Variants in FRS2 observed in about 807,000 individuals in gnomAD.
FRS2 encodes the protein fibroblast growth factor receptor substrate 2.
FRS2 carries 8 observed loss-of-function variants against 43.9 expected under a neutral mutation model. The observed-to-expected ratio is 0.18, with a 90% CI of 0.11 to 0.33. The LOEUF is 0.33. Among genes scored for constraint, FRS2 ranks in the 10% least tolerant of loss-of-function variants. The pLI, the probability that FRS2 is intolerant of heterozygous loss-of-function variation, is 1.00. For missense variants in FRS2, 534 were observed against 627.6 expected, an observed-to-expected ratio of 0.85 and a Z score of 1.59; for synonymous variants, 219 against 220.3, an observed-to-expected ratio of 0.99 and a Z score of 0.05.
intron 1 of FRS2, among the ~76,000 whole-genome samples, chr12:69,493,460 C>T (rs906870859): frequency 1.3e-5 from 2 of 152,238 alleles, no homozygotes; most frequent in African/African-American, 4.8e-5. Context: ...ATGGCTCACG[C>T]CTGTGATCCC....
intron 1 of FRS2, among the ~76,000 whole-genome samples, chr12:69,493,544 AACC>A (rs1872639094): frequency 6.6e-6 from 1 of 152,194 alleles, no homozygotes; most frequent in African/African-American, 2.4e-5. Context: ...AGCATAAAGA[AACC>A]ACGTCTCTAC....
At chr12:69,485,082 AACACACAC>A (rs71094716) in intron 1 of FRS2, among the ~76,000 whole-genome samples, 1,803 of 85,326 alleles carry the variant, frequency 0.021, 31 homozygotes, top group African/African-American at 0.037. Flanking sequence ...CTCATCTTAA[AACACACAC>A]ACACACACAC....
At position 69,574,727 on chromosome 12, in the gene FRS2, G is replaced by A. The variant is rs1401023467; in HGVS notation, c.1299G>A (p.Gln433=). The change falls in exon 9 of 9, where the codon CAG becomes CAA. Residue 433 remains glutamine (Q), a synonymous_variant. Coordinates refer to ENST00000549921, the MANE Select transcript of FRS2 (RefSeq NM_001278356.2). ...GACGCCCAAGTTTAGAACACAGGCA[G>A]CTTAATTACATACAGGTTGACTTGG... ...DIRRPSLEHR[Q]LNYIQVDLEG... 1 of 1,614,162 alleles carries A rather than the reference G, an allele frequency of 6.2e-7. No homozygotes were observed. Among genetic ancestry groups the A allele is most frequent in the South Asian group, 1.1e-5 (1 of 91,078 alleles).
intron 3 of FRS2, among the ~76,000 whole-genome samples, chr12:69,552,321 A>AAG (rs1392419210): frequency 6.6e-6 from 1 of 151,358 alleles, no homozygotes; most frequent in Non-Finnish European, 1.5e-5. Context: ...AAAAAAAAAA[A>AAG]AAAAAATCAT....
chr12:69,575,111 G>A lies in FRS2; in HGVS notation c.*156G>A, dbSNP rs1269130722. 3.4e-6 allele frequency: 2 copies of A among 595,172 alleles called. No homozygotes were observed. Among genetic ancestry groups the A allele is most frequent in the Non-Finnish European group, 6.0e-6 (2 of 335,566 alleles). 36.9% of individuals were successfully genotyped at this position (595,172 alleles called of 1,614,324 possible). A position where few individuals can be genotyped will look rare whatever the true frequency, so the allele number is the denominator to read the frequency against. On this transcript the variant is annotated 3_prime_UTR_variant, in exon 9 of 9. Coordinates refer to ENST00000549921, the MANE Select transcript of FRS2 (RefSeq NM_001278356.2). ...GCATCTTTAACTAAAGGGAATTAAT[G>A]TAGAGCAGGTACTCCTTAAAGAACA...
chr12:69,473,094 T>A (rs1005522313), intron 1 of FRS2, among the ~76,000 whole-genome samples: 1 of 152,238 alleles, frequency 6.6e-6, no homozygotes, highest in African/African-American at 2.4e-5. Flanking sequence ...TTTGTGGAGA[T>A]AGCTCAGAAG....
At position 69,485,364 on chromosome 12, in the gene FRS2, G is replaced by T. The variant is rs574647593; in HGVS notation, c.-261+14834G>T. Among the ~76,000 whole-genome samples the T allele has an allele frequency of 9.9e-5, 15 of 151,704 alleles. No homozygotes were observed. In the South Asian group the frequency reaches 2.9e-3, roughly 29 times the overall value. ...CGCCTGGCTAATTTTTTGTATTTTT[G>T]GTAGAGACGGGGTTTCACCGTGTTA... On this transcript the variant is annotated intron_variant, in intron 1 of 8. Transcript: ENST00000549921.
chr12:69,545,944 A>G (rs1438047755), intron 3 of FRS2, among the ~76,000 whole-genome samples: 3 of 151,982 alleles, frequency 2.0e-5, no homozygotes, highest in Non-Finnish European at 4.4e-5. Context: ...ACCTAGCACC[A>G]TATACAAAAA....
chr12:69,558,072 A>G (rs1289723577), intron 3 of FRS2, among the ~76,000 whole-genome samples: 2 of 152,222 alleles, frequency 1.3e-5, no homozygotes, highest in Non-Finnish European at 2.9e-5. Context: ...AACAAAATAC[A>G]TGATTAAAAG....
intron 3 of FRS2, among the ~76,000 whole-genome samples, chr12:69,539,017 C>T (rs1167692487): frequency 3.3e-5 from 5 of 152,008 alleles, no homozygotes; most frequent in African/African-American, 1.2e-4. Flanking sequence ...GTTGATTATC[C>T]TTATCCTTAT....
chr12:69,569,015 G>A lies in FRS2; in HGVS notation c.-16G>A, dbSNP rs1880525571. 6.3e-7 allele frequency: 1 copy of A among 1,581,886 alleles called. No homozygotes were observed. Among genetic ancestry groups the A allele is most frequent in the African/African-American group, 1.4e-5 (1 of 73,936 alleles). Reference sequence around the variant, plus strand: ...TTATTTTTCATGTAGTGCACACATGGTCTTCTGAAGAAGCCATGGGTAGCT... The same window carrying A: ...TTATTTTTCATGTAGTGCACACATGATCTTCTGAAGAAGCCATGGGTAGCT... On this transcript the variant is annotated 5_prime_UTR_variant, in exon 5 of 9. Transcript: ENST00000549921.
intron 3 of FRS2, chr12:69,537,808 ACT>A (rs1247745037): frequency 6.6e-6 from 1 of 152,134 alleles, no homozygotes; most frequent in East Asian, 1.9e-4. Flanking sequence ...TCCTTCTATA[ACT>A]CTAATTAGAC....
chr12:69,502,467 C>T (rs1369644070), intron 1 of FRS2, among the ~76,000 whole-genome samples: 3 of 151,840 alleles, frequency 2.0e-5, no homozygotes, highest in African/African-American at 7.3e-5. Flanking sequence ...CTCCGAGGCT[C>T]GAGCGGTCTT....
At chr12:69,510,327 T>G (rs906803021) in intron 1 of FRS2, among the ~76,000 whole-genome samples, 5 of 152,206 alleles carry the variant, frequency 3.3e-5, no homozygotes, top group African/African-American at 4.8e-5. Context: ...GTCTTGACAC[T>G]TGTGAATAAT....
At chr12:69,516,260 C>G (rs986109627) in intron 1 of FRS2, among the ~76,000 whole-genome samples, 2 of 151,182 alleles carry the variant, frequency 1.3e-5, no homozygotes, top group South Asian at 2.1e-4. Flanking sequence ...CTCTTGTTGC[C>G]CAGGCTGGCG....
Position 69,481,468 on chromosome 12 carries a change from A to G in FRS2, c.-261+10938A>G, listed in dbSNP as rs1225861482. 2.6e-5 allele frequency among the ~76,000 whole-genome samples: 4 copies of G among 151,504 alleles called. No homozygotes were observed. The East Asian group carries it at 7.7e-4, about 29-fold the overall frequency. On this transcript the variant is annotated intron_variant, in intron 1 of 8. Coordinates refer to ENST00000549921, the MANE Select transcript of FRS2 (RefSeq NM_001278356.2). Reference sequence around the variant, plus strand: ...TTTTTTTTTTAAGATTTTTGTAGAGATGGTGTCTCACTATGTTGACCAGGC... The same window carrying G: ...TTTTTTTTTTAAGATTTTTGTAGAGGTGGTGTCTCACTATGTTGACCAGGC...
intron 7 of FRS2, 106 bp downstream of exon 7, chr12:69,571,540 A>G: frequency 2.2e-6 from 2 of 915,558 alleles, no homozygotes; most frequent in Non-Finnish European, 3.4e-6. Context: ...CCACTGGATA[A>G]CAGAAGTATA....
At chr12:69,502,440 C>T (rs547723891) in intron 1 of FRS2, among the ~76,000 whole-genome samples, 4 of 151,616 alleles carry the variant, frequency 2.6e-5, no homozygotes, top group Admixed American at 6.6e-5. Flanking sequence ...TCACTGGTTG[C>T]CCAGGCTGGT....
chr12:69,481,281 AT>A (rs5798935), intron 1 of FRS2, among the ~76,000 whole-genome samples: 58,355 of 140,664 alleles, frequency 0.41, 12,570 homozygotes, highest in African/African-American at 0.61. Context: ...AAATTCCAGA[AT>A]TTTTTTTTTT....
Sources: allele counts gnomAD v4.1 joint callset (sites outside exome capture counted in the v4.1 genomes callset), GRCh38; gene constraint gnomAD v4.1.1; transcripts MANE v1.5; gene names NCBI Gene and HGNC (gene_info 2026-07-23, HGNC 2026-07-21).